TM2D3: variants seen among roughly 807,000 people sequenced by gnomAD.
The protein encoded by TM2D3 is TM2 domain containing 3, also known as TM2 domain-containing protein 3.
TM2D3 carries 33 observed loss-of-function variants against 27.3 expected under a neutral mutation model. The ratio of observed to expected loss-of-function variants is 1.21; its 90% CI spans 0.92 to 1.61. The LOEUF (loss-of-function observed/expected upper bound fraction) is 1.61. TM2D3 is among the 40% of genes most tolerant of loss of function. TM2D3 has a pLI of 0.00. For synonymous variants in TM2D3, 138 were observed against 122.2 expected (o/e 1.13, Z -0.85); for missense variants, 364 against 320.8 (o/e 1.13, Z -1.03).
chr15:101,651,579 C>T, intron 2 of TM2D3, 117 bp downstream of exon 2: 1 of 1,023,534 alleles, frequency 9.8e-7, no homozygotes, highest in Non-Finnish European at 1.5e-6. Context: ...ATCTAAAATA[C>T]AATAAATATT....
At chr15:101,635,669 A>C (rs1896535469) in intron 4 of TM2D3, 1 of 152,208 alleles carries the variant, frequency 6.6e-6, no homozygotes, top group Non-Finnish European at 1.5e-5. Context: ...ATTTTTGTGC[A>C]CAAGAATATG....
chr15:101,639,665 A>C (rs1158441251), downstream of TM2D3, among the ~76,000 whole-genome samples: 1 of 152,184 alleles, frequency 6.6e-6, no homozygotes, highest in African/African-American at 2.4e-5. Flanking sequence ...TCTTTGAAAA[A>C]ATCTTTTTAT....
At chr15:101,645,308 T>G in intron 4 of TM2D3, 146 bp from the exon 5 acceptor site, 15 of 646,162 alleles carry the variant, frequency 2.3e-5, no homozygotes, top group Non-Finnish European at 3.2e-5. Context: ...TACAAAGCGC[T>G]TACCATCTAT....
Position 101,642,513 on chromosome 15 carries a change from T to C in TM2D3, c.710A>G (p.Tyr237Cys), listed in dbSNP as rs141433481. The change falls in exon 6 of 6, where the codon TAT (tyrosine) becomes TGT (cysteine). Residue 237 changes from tyrosine to cysteine, a missense_variant. Coordinates refer to ENST00000333202, the MANE Select transcript of TM2D3 (RefSeq NM_078474.3). ...LIDVLLIGVG[Y>C]VGPADGSLYI The stretch of plus-strand genomic sequence containing the variant: ...CAAAGAGCCATCTGCTGGTCCAACA[T>C]AGCCAACTCCAATGAGCAGGACGTC... The C allele has an allele frequency of 1.8e-4, 286 of 1,613,260 alleles. No individual in the cohort carries two copies. The highest frequency in any genetic ancestry group is 2.3e-4 in the Non-Finnish European group (271 of 1,179,730).
At chr15:101,647,727 A>G (rs1258117252) in intron 3 of TM2D3, among the ~76,000 whole-genome samples, 1 of 152,150 alleles carries the variant, frequency 6.6e-6, no homozygotes, top group African/African-American at 2.4e-5. Flanking sequence ...TTCTACATGT[A>G]TATTTATAAA....
rs1473358646 is a variant in TM2D3, at chr15:101,646,742, T to C, written c.485A>G (p.Asp162Gly). The change falls in exon 4 of 6, where the codon GAC (aspartate) becomes GGC (glycine). Residue 162 changes from aspartate (D) to glycine (G), a missense_variant. Asp to Gly is a moderately conservative substitution (Grantham distance 94). Coordinates refer to ENST00000333202, the MANE Select transcript of TM2D3 (RefSeq NM_078474.3). ...TGACCTACCCAAGCAGTGGACGTGG[T>C]CCCGCACCGTGCAGTTGGCAGGGTA... is the stretch of plus-strand genomic sequence containing the variant. Reference protein sequence around the residue: ...QRYPANCTVRDHVHCLGNRTF... With the variant: ...QRYPANCTVRGHVHCLGNRTF... The C allele has an allele frequency of 1.2e-6, 2 of 1,614,016 alleles. No homozygotes were observed. Among genetic ancestry groups the C allele is most frequent in the Admixed American group, 1.7e-5 (1 of 60,002 alleles).
chr15:101,643,328 C>T (rs542856589), intron 5 of TM2D3, among the ~76,000 whole-genome samples: 68 of 152,166 alleles, frequency 4.5e-4, no homozygotes, highest in Middle Eastern at 3.4e-3. Context: ...TGTTGCCGGG[C>T]GCGGTGGCTC....
At chr15:101,652,146 C>G in intron 1 of TM2D3, 125 bp downstream of exon 1, 1 of 933,208 alleles carries the variant, frequency 1.1e-6, no homozygotes. Context: ...CGACAAGCGG[C>G]CCGGAGCCCG....
intron 5 of TM2D3, among the ~76,000 whole-genome samples, chr15:101,643,623 G>GAAAAAAAAAAAAAAAAAAAAAAAAA (rs1567311253): frequency 1.6e-5 from 1 of 62,700 alleles, no homozygotes; most frequent in Non-Finnish European, 3.2e-5. Flanking sequence ...AAAAAAAAAA[G>GAAAAAAAAAAAAAAAAAAAAAAAAA]CAAAAAAAAA....
chr15:101,632,989 T>C (rs1382826838), exon 5 of TM2D3: 4 of 152,188 alleles, frequency 2.6e-5, no homozygotes, highest in Non-Finnish European at 5.9e-5. Context: ...GCAGAAATCA[T>C]GAAGGCCAGA....
exon 5 of TM2D3, chr15:101,633,509 C>G (rs185258437): frequency 5.3e-4 from 268 of 510,186 alleles, no homozygotes; most frequent in African/African-American, 4.8e-3. Context: ...GAAGGACACC[C>G]ACAGATTTTG....
Position 101,646,811 on chromosome 15 carries a change from G to C in TM2D3, c.416C>G (p.Thr139Ser), listed in dbSNP as rs1896824714. Residue 139 changes from threonine to serine, a missense_variant, in exon 4 of 6, where the codon ACC becomes AGC. Coordinates refer to ENST00000333202, the MANE Select transcript of TM2D3 (RefSeq NM_078474.3). ...WQLPETDYEC[T>S]NSTSCMTVSC... is the part of the protein sequence containing the mutation. ...CACCGTCATGCAGCTGGTGGAGTTG[G>C]TACACTCGTAATCTGTTTCAGGAAG... 6.2e-7 allele frequency: 1 copy of C among 1,614,090 alleles called. No homozygotes were observed. Among genetic ancestry groups the C allele is most frequent in the Non-Finnish European group, 8.5e-7 (1 of 1,180,034 alleles).
intron 2 of TM2D3, 100 bp from the exon 3 acceptor site, chr15:101,650,261 C>T: frequency 1.7e-6 from 2 of 1,211,454 alleles, no homozygotes; most frequent in Non-Finnish European, 2.3e-6. Context: ...AGCAAGTAGA[C>T]ACTGCACTGG....
chr15:101,639,174 A>C (rs1896613554), downstream of TM2D3, among the ~76,000 whole-genome samples: 1 of 152,224 alleles, frequency 6.6e-6, no homozygotes, highest in South Asian at 2.1e-4. Flanking sequence ...TAGCATCACT[A>C]CAGTTATCAT....
At chr15:101,634,101 G>A (rs1896504790) in intron 4 of TM2D3, 1 of 163,974 alleles carries the variant, frequency 6.1e-6, no homozygotes, top group Non-Finnish European at 1.3e-5. Context: ...GATGATAGAG[G>A]AACGAAAAAT....
At chr15:101,649,611 A>T (rs1896915500) in intron 3 of TM2D3, among the ~76,000 whole-genome samples, 1 of 152,164 alleles carries the variant, frequency 6.6e-6, no homozygotes, top group Non-Finnish European at 1.5e-5. Context: ...GGCCCTTCAA[A>T]AGCTCATCTA....
chr15:101,634,115 T>C (rs534794139), intron 4 of TM2D3: 110 of 159,810 alleles, frequency 6.9e-4, no homozygotes, highest in African/African-American at 2.6e-3. Context: ...GAAAAATCGA[T>C]GAACTCAAAA....
downstream of TM2D3, among the ~76,000 whole-genome samples, chr15:101,641,445 A>C (rs1469564568): frequency 6.6e-6 from 1 of 152,248 alleles, no homozygotes; most frequent in Non-Finnish European, 1.5e-5. Context: ...AGGTAAACTG[A>C]AATCAATAAA....
At position 101,642,536 on chromosome 15, in the gene TM2D3, G is replaced by T. The variant is rs113189685; in HGVS notation, c.687C>A (p.Asp229Glu). 3.0e-5 allele frequency: 48 copies of T among 1,613,426 alleles called. No homozygotes were observed. Among genetic ancestry groups the T allele is most frequent in the Non-Finnish European group, 3.9e-5 (46 of 1,179,886 alleles). ...FGGLGIWTLI[D>E]VLLIGVGYVG... ...CATAGCCAACTCCAATGAGCAGGAC[G>T]TCTATCAGCGTCCATATTCCCAGGC... The change falls in exon 6 of 6, where the codon GAC becomes GAA. Residue 229 changes from aspartate to glutamate, a missense_variant. Transcript: ENST00000333202.
Sources: allele counts gnomAD v4.1 joint callset (sites outside exome capture counted in the v4.1 genomes callset), GRCh38; gene constraint gnomAD v4.1.1; transcripts MANE v1.5; gene names NCBI Gene and HGNC (gene_info 2026-07-23, HGNC 2026-07-21).